The following C19orf81 variants were observed in gnomAD, a reference collection of about 807,000 sequenced individuals.
C19orf81 encodes the protein chromosome 19 open reading frame 81.
Under a neutral mutation model 22.1 loss-of-function variants are expected in C19orf81, and 19 were observed. The observed-to-expected ratio is 0.86, with a 90% CI of 0.60 to 1.26. The LOEUF (loss-of-function observed/expected upper bound fraction) is 1.26, where lower values mean the gene tolerates loss of function less well. Among genes scored for constraint, C19orf81 ranks in the 50% most tolerant of loss-of-function variants. The pLI is 0.00. For synonymous variants in C19orf81, 108 were observed against 113.1 expected (o/e 0.95, Z 0.29); for missense variants, 287 against 280.7 (o/e 1.02, Z -0.16).
intron 1 of C19orf81, among the ~76,000 whole-genome samples, chr19:50,655,548 C>T (rs2123041761): frequency 6.6e-6 from 1 of 151,882 alleles, no homozygotes; most frequent in East Asian, 1.9e-4. Flanking sequence ...ACTCGGGAGG[C>T]TGAGGCAGGA....
rs2090756335 is a variant in C19orf81 at position 50,659,171 on chromosome 19, G to T, written c.*29G>T. ...CCGGGCGGGCCCCGGCAGCGCTTGC[G>T]CACCGCCCCGCGGGCTGGGGCCACC... On this transcript the variant is annotated 3_prime_UTR_variant, in exon 5 of 5. Transcript: ENST00000425202. 1.6e-6 allele frequency: 2 copies of T among 1,284,892 alleles called. No homozygotes were observed. Among genetic ancestry groups the T allele is most frequent in the East Asian group, 6.3e-5 (2 of 31,720 alleles). The allele number at this position is 1,284,892 out of a possible 1,614,324, so 79.6% of individuals were successfully genotyped here.
In C19orf81 at chr19:50,649,466, G is replaced by C. The variant is rs893184611; in HGVS notation, c.22G>C (p.Val8Leu). Residue 8 changes from valine (V) to leucine (L), a missense_variant, in exon 1 of 5, where the codon GTG becomes CTG. Coordinates refer to ENST00000425202, the MANE Select transcript of C19orf81 (RefSeq NM_001195076.2). The stretch of plus-strand genomic sequence containing the variant: ...CAGGATGCAGCCAGAGGTGGAGCCC[G>C]TGTGCTTCCCTGCCATGGGCAGCCC... MQPEVEP[V>L]CFPAMGSPTM... 103 of 1,536,074 alleles carry C rather than the reference G, an allele frequency of 6.7e-5. No homozygotes were observed. Among genetic ancestry groups the C allele is most frequent in the Non-Finnish European group, 6.4e-5 (73 of 1,146,854 alleles).
At position 50,653,682 on chromosome 19, in the gene C19orf81, GCACACACACACACACACA is replaced by G. The variant is rs57915687; in HGVS notation, c.68-2326_68-2309del. On this transcript the variant is annotated intron_variant, in intron 1 of 4. Transcript: ENST00000425202. ...TGTTGACTTATTGTAATGAGAGACA[GCACACACACACACACACA>G]CACACACACACACACACACACACAC... Among the ~76,000 whole-genome samples the G allele has an allele frequency of 3.7e-3, 449 of 121,916 alleles. 5 individuals carry two copies. The highest frequency in any genetic ancestry group is 1.0e-2 in the African/African-American group (326 of 32,740). The allele number at this position is 121,916 out of a possible 152,430, so 80.0% of individuals were successfully genotyped here. A position where few individuals can be genotyped will look rare whatever the true frequency, so the allele number is the denominator to read the frequency against.
chr19:50,657,147 C>T (rs961549550), intron 3 of C19orf81, among the ~76,000 whole-genome samples: 1 of 152,046 alleles, frequency 6.6e-6, no homozygotes, highest in East Asian at 1.9e-4. Context: ...CTGAGAAGAG[C>T]TGATGTCAAT....
intron 1 of C19orf81, among the ~76,000 whole-genome samples, chr19:50,653,910 G>A (rs550098998): frequency 6.6e-5 from 10 of 152,188 alleles, no homozygotes; most frequent in African/African-American, 2.4e-4. Context: ...AACCAGGAGG[G>A]GTAGATGGAG....
chr19:50,650,766 C>A (rs117873682), intron 1 of C19orf81, among the ~76,000 whole-genome samples: 3,702 of 152,356 alleles, frequency 0.024, 93 homozygotes, highest in East Asian at 0.088. Flanking sequence ...CCCACCTCAG[C>A]CTTCGAGGCC....
Position 50,659,209 on chromosome 19 carries a change from C to G in C19orf81, c.*67C>G, listed in dbSNP as rs1012574631. 12 of 1,240,504 alleles carry G rather than the reference C, an allele frequency of 9.7e-6. No individual in the cohort carries two copies. In the East Asian group the frequency reaches 3.5e-4, roughly 36 times the overall value. The allele number at this position is 1,240,504 out of a possible 1,614,324, so 76.8% of individuals were successfully genotyped here. A position where few individuals can be genotyped will look rare whatever the true frequency, so the allele number is the denominator to read the frequency against. ...GGCTGGGGCCACCCACCCGGAGCCC[C>G]GGAGGACAGGGGGCGTTGCCTTCCC... is the stretch of plus-strand genomic sequence containing the variant. On this transcript the variant is annotated 3_prime_UTR_variant, in exon 5 of 5. Coordinates refer to ENST00000425202, the MANE Select transcript of C19orf81 (RefSeq NM_001195076.2).
chr19:50,656,198 G>A, intron 2 of C19orf81, 28 bp from the exon 3 acceptor site: 1 of 1,536,076 alleles, frequency 6.5e-7, no homozygotes, highest in Non-Finnish European at 8.7e-7. Flanking sequence ...TGACCTCAGA[G>A]GTCCCTGCCT....
intron 1 of C19orf81, among the ~76,000 whole-genome samples, chr19:50,650,577 A>G (rs1196066055): frequency 1.3e-5 from 2 of 152,318 alleles, no homozygotes; most frequent in East Asian, 3.9e-4. Flanking sequence ...AGGCTGAGGC[A>G]GGAGAATCGC....
chr19:50,655,433 A>G (rs1273810950), intron 1 of C19orf81, among the ~76,000 whole-genome samples: 1 of 152,136 alleles, frequency 6.6e-6, no homozygotes, highest in Non-Finnish European at 1.5e-5. Flanking sequence ...GGAGGATCAC[A>G]AGGTCATGAG....
chr19:50,655,491 A>T (rs1183564945), intron 1 of C19orf81, among the ~76,000 whole-genome samples: 1 of 152,154 alleles, frequency 6.6e-6, no homozygotes, highest in Admixed American at 6.5e-5. Flanking sequence ...TCTACTAAAA[A>T]TACAAAAATT....
chr19:50,650,649 T>A (rs1984857854), intron 1 of C19orf81, among the ~76,000 whole-genome samples: 1 of 151,982 alleles, frequency 6.6e-6, no homozygotes, highest in Non-Finnish European at 1.5e-5. Flanking sequence ...CCAGCCTGGG[T>A]GATGGAGGGA....
In C19orf81 at chr19:50,658,946, G is replaced by T. The variant is rs1182420476; in HGVS notation, c.402-1G>T. ...CTTTTCCGTCCCCACCCCCCTTACA[G>T]GTGGCTCATCGCGGTCACGGACTTC... On this transcript the variant is annotated splice_acceptor_variant, in intron 4 of 4. Transcript: ENST00000425202. LOFTEE classifies it high-confidence loss of function. 1.4e-5 allele frequency: 21 copies of T among 1,479,664 alleles called. No homozygotes were observed. The Middle Eastern group carries it at 1.2e-3, about 85-fold the overall frequency. The allele number at this position is 1,479,664 out of a possible 1,614,324, so 91.7% of individuals were successfully genotyped here.
intron 3 of C19orf81, 88 bp downstream of exon 3, chr19:50,656,434 A>C: frequency 2.1e-6 from 3 of 1,438,062 alleles, no homozygotes; most frequent in Non-Finnish European, 2.8e-6. Context: ...GCCAGAGTTT[A>C]AATTCAGGCT....
At chr19:50,655,132 C>G (rs889132) in intron 1 of C19orf81, among the ~76,000 whole-genome samples, 93,007 of 151,994 alleles carry the variant, frequency 0.61, 29,778 homozygotes, top group Middle Eastern at 0.7. Context: ...GCCACACTTA[C>G]CTGCAAGGGA....
intron 1 of C19orf81, among the ~76,000 whole-genome samples, chr19:50,655,134 T>G (rs1350608497): frequency 6.6e-6 from 1 of 152,190 alleles, no homozygotes; most frequent in East Asian, 1.9e-4. Flanking sequence ...CACACTTACC[T>G]GCAAGGGAGT....
At position 50,654,433 on chromosome 19, in the gene C19orf81, G is replaced by T. The variant is rs537335220; in HGVS notation, c.68-1617G>T. On this transcript the variant is annotated intron_variant, in intron 1 of 4. Transcript: ENST00000425202. The stretch of plus-strand genomic sequence containing the variant: ...TTCTTCTGCCTCAGCCTCCCGAGTA[G>T]CTGGGACTACAGGCACACACCAACA... Among the ~76,000 whole-genome samples, 14 of 152,162 alleles carry T rather than the reference G, an allele frequency of 9.2e-5. No homozygotes were observed. The South Asian group carries it at 2.9e-3, about 32-fold the overall frequency.
At chr19:50,658,765 G>T (rs2123046211) in intron 4 of C19orf81, among the ~76,000 whole-genome samples, 182 bp from the exon 5 acceptor site, 1 of 151,518 alleles carries the variant, frequency 6.6e-6, no homozygotes, top group Non-Finnish European at 1.5e-5. Flanking sequence ...CTAAGAGAGC[G>T]TAAGGAGCCT....
At position 50,656,979 on chromosome 19, in the gene C19orf81, AGAAGGAAG is replaced by A. The variant is rs370262136; in HGVS notation, c.261+643_261+650del. Reference sequence around the variant, plus strand: ...AAAAAAGGAAGGAAGAAAGAAAGAAAGAAGGAAGGAAGGAAGGGAGGGAGGGAAAGGAA... The same window carrying A: ...AAAAAAGGAAGGAAGAAAGAAAGAAAGAAGGAAGGGAGGGAGGGAAAGGAA... On this transcript the variant is annotated intron_variant, in intron 3 of 4. Coordinates refer to ENST00000425202, the MANE Select transcript of C19orf81 (RefSeq NM_001195076.2). Among the ~76,000 whole-genome samples, 790 of 144,302 alleles carry A rather than the reference AGAAGGAAG, an allele frequency of 5.5e-3. 11 individuals carry two copies. The highest frequency in any genetic ancestry group is 0.02 in the African/African-American group (747 of 37,262). 94.7% of individuals were successfully genotyped at this position (144,302 alleles called of 152,430 possible). A position where few individuals can be genotyped will look rare whatever the true frequency, so the allele number is the denominator to read the frequency against.
Sources: gnomAD v4.1 joint callset for allele counts (sites outside exome capture counted in the v4.1 genomes callset) on GRCh38, gnomAD v4.1.1 for gene constraint, MANE v1.5 for transcripts, NCBI Gene and HGNC (gene_info 2026-07-23, HGNC 2026-07-21) for gene names.